GLT8D2: variants seen among roughly 807,000 people sequenced by gnomAD.
The protein encoded by GLT8D2 is glycosyltransferase 8 domain-containing protein 2.
A neutral mutation model predicts 44.5 loss-of-function variants in GLT8D2; 45 were observed. That is an observed-to-expected ratio of 1.01 (90% CI 0.80 to 1.30). The LOEUF (loss-of-function observed/expected upper bound fraction) is 1.30, where lower values mean the gene tolerates loss of function less well. GLT8D2 is among the 50% of genes most tolerant of loss of function. The pLI is 0.00. For synonymous variants in GLT8D2, 156 were observed against 157.2 expected (o/e 0.99, Z 0.06); for missense variants, 400 against 430.4 (o/e 0.93, Z 0.62).
rs1487534597 is a variant in GLT8D2 at position 103,989,478 on chromosome 12, T to G, written c.980A>C (p.His327Pro). 2.5e-6 allele frequency: 4 copies of G among 1,613,842 alleles called. No individual in the cohort carries two copies. The highest frequency in any genetic ancestry group is 2.2e-5 in the East Asian group (1 of 44,866). ...AAACCAGCTTTCCCATAAGTCGTTG[T>G]GAACACTAGGGAAGTCCCAAGGTTT... is the stretch of plus-strand genomic sequence containing the variant. ...RHKPWDFPSV[H>P]NDLWESWFVP... is the part of the protein sequence containing the mutation. The change falls in exon 11 of 11, where the codon CAC becomes CCC. Residue 327 changes from histidine (H) to proline (P), a missense_variant. Transcript: ENST00000360814.
chr12:104,060,387 T>G (rs570973632), intron 1 of GLT8D2, among the ~76,000 whole-genome samples: 2 of 152,200 alleles, frequency 1.3e-5, no homozygotes, highest in Non-Finnish European at 2.9e-5. Flanking sequence ...AATGGGGACC[T>G]ATTTTAGATG....
chr12:104,014,972 T>C, intron 4 of GLT8D2, 41 bp downstream of exon 4: 3 of 1,419,710 alleles, frequency 2.1e-6, no homozygotes, highest in Non-Finnish European at 3.0e-6. Flanking sequence ...TCAAACCACA[T>C]TCCTGGGTAT....
chr12:104,005,279 C>T (rs1488233169), intron 4 of GLT8D2, among the ~76,000 whole-genome samples: 1 of 152,156 alleles, frequency 6.6e-6, no homozygotes, highest in Non-Finnish European at 1.5e-5. Flanking sequence ...CATAAAAACC[C>T]TAGAAGAAAA....
intron 6 of GLT8D2, among the ~76,000 whole-genome samples, chr12:103,998,657 C>T (rs916014189): frequency 6.6e-6 from 1 of 152,154 alleles, no homozygotes; most frequent in Non-Finnish European, 1.5e-5. Context: ...ATCCGCCTGC[C>T]TCGGCCTCCC....
intron 1 of GLT8D2, among the ~76,000 whole-genome samples, chr12:104,061,486 GA>G (rs371513312): frequency 0.012 from 1,767 of 152,194 alleles, 23 homozygotes; most frequent in Non-Finnish European, 0.018. Context: ...TGGGTTTTAT[GA>G]AAAACTCACT....
intron 6 of GLT8D2, 115 bp from the exon 7 acceptor site, chr12:103,997,650 C>T (rs534453629): frequency 5.6e-5 from 40 of 708,634 alleles, no homozygotes; most frequent in Admixed American, 3.3e-4. Context: ...AGGTTTGGAG[C>T]GGAATAAAAC....
chr12:104,032,315 G>A (rs1330884332), intron 1 of GLT8D2, among the ~76,000 whole-genome samples: 1 of 150,188 alleles, frequency 6.7e-6, no homozygotes, highest in Non-Finnish European at 1.5e-5. Flanking sequence ...GCAGTGAAAT[G>A]CCTCTTGGTC....
At chr12:104,035,967 T>A (rs561940223) in intron 1 of GLT8D2, among the ~76,000 whole-genome samples, 3 of 152,230 alleles carry the variant, frequency 2.0e-5, no homozygotes, top group South Asian at 4.1e-4. Context: ...TAACAGCAGA[T>A]CTCTCAGCAG....
At chr12:104,006,591 C>T (rs566071814) in intron 4 of GLT8D2, among the ~76,000 whole-genome samples, 112 of 152,254 alleles carry the variant, frequency 7.4e-4, no homozygotes, top group Non-Finnish European at 1.4e-3. Flanking sequence ...CTCCTCTCCT[C>T]TTCCATCAAT....
chr12:103,997,336 TA>T lies in GLT8D2; in HGVS notation c.487+114del, dbSNP rs1261673571. The T allele has an allele frequency of 5.1e-6, 4 of 790,956 alleles. No homozygotes were observed. The African/African-American group carries it at 6.8e-5, about 13-fold the overall frequency. The allele number at this position is 790,956 out of a possible 1,614,324, so 49.0% of individuals were successfully genotyped here. A position where few individuals can be genotyped will look rare whatever the true frequency, so the allele number is the denominator to read the frequency against. On this transcript the variant is annotated intron_variant, in intron 7 of 10. Transcript: ENST00000360814. ...TTACAACAATACTGTACTCACAACT[TA>T]AATAAGCAGTCAAAACTTGCTGCAC...
chr12:104,052,881 C>T (rs1039943232), upstream of GLT8D2, among the ~76,000 whole-genome samples: 1 of 152,102 alleles, frequency 6.6e-6, no homozygotes, highest in African/African-American at 2.4e-5. Context: ...TCATGCACCA[C>T]CATGCTCAGC....
intron 8 of GLT8D2, 57 bp downstream of exon 8, chr12:103,996,678 G>T (rs556930573): frequency 8.1e-7 from 1 of 1,231,964 alleles, no homozygotes; most frequent in Non-Finnish European, 1.2e-6. Flanking sequence ...GCAGAGGGGG[G>T]AGAAGGGGCC....
chr12:104,022,531 T>C (rs549912909), intron 1 of GLT8D2, among the ~76,000 whole-genome samples: 1 of 152,064 alleles, frequency 6.6e-6, no homozygotes, highest in Non-Finnish European at 1.5e-5. Flanking sequence ...AAAAGGGAGA[T>C]TTTTTTCAGT....
upstream of GLT8D2, among the ~76,000 whole-genome samples, chr12:104,052,171 A>C (rs527368972): frequency 1.3e-5 from 2 of 152,346 alleles, no homozygotes; most frequent in South Asian, 4.1e-4. Flanking sequence ...AGTCACATTT[A>C]AGTACTCAGT....
intron 2 of GLT8D2, 129 bp downstream of exon 2, chr12:104,021,228 G>T (rs532189748): frequency 1.3e-5 from 2 of 152,364 alleles, no homozygotes; most frequent in African/African-American, 4.8e-5. Flanking sequence ...CTGTGCCTAG[G>T]TGGGATGGCT....
chr12:104,024,296 T>A (rs1358747352), intron 1 of GLT8D2, among the ~76,000 whole-genome samples: 2 of 152,036 alleles, frequency 1.3e-5, no homozygotes, highest in Non-Finnish European at 2.9e-5. Context: ...TAGCCAGACA[T>A]GGTGGTGGGC....
At chr12:103,992,012 A>G (rs1001542624) in intron 10 of GLT8D2, among the ~76,000 whole-genome samples, 11 of 152,128 alleles carry the variant, frequency 7.2e-5, no homozygotes, top group African/African-American at 2.4e-4. Context: ...GTCTGAAAAC[A>G]AAAGGTTTTT....
intron 2 of GLT8D2, among the ~76,000 whole-genome samples, chr12:104,019,952 C>T (rs1477585906): frequency 7.9e-5 from 12 of 152,164 alleles, no homozygotes; most frequent in Admixed American, 5.9e-4. Context: ...TAGAGTCTCG[C>T]TCCATCACCC....
intron 2 of GLT8D2, among the ~76,000 whole-genome samples, chr12:104,020,593 T>A (rs1877501389): frequency 6.6e-6 from 1 of 152,086 alleles, no homozygotes; most frequent in Non-Finnish European, 1.5e-5. Context: ...CATAAAAGTA[T>A]TAGATTATGG....
Sources: gnomAD v4.1 joint callset for allele counts (sites outside exome capture counted in the v4.1 genomes callset) on GRCh38, gnomAD v4.1.1 for gene constraint, MANE v1.5 for transcripts, NCBI Gene and HGNC (gene_info 2026-07-23, HGNC 2026-07-21) for gene names.